DCN: variants seen among roughly 807,000 people sequenced by gnomAD.
The protein encoded by DCN is bone proteoglycan II.
DCN carries 17 observed loss-of-function variants against 36.5 expected under a neutral mutation model. That is an observed-to-expected ratio of 0.47 (90% CI 0.32 to 0.70). The LOEUF (loss-of-function observed/expected upper bound fraction) is 0.70. Among genes scored for constraint, DCN ranks in the 30% least tolerant of loss-of-function variants. The pLI is 0.04. For missense variants in DCN, 389 were observed against 430.1 expected, an observed-to-expected ratio of 0.90 and a Z score of 0.84; for synonymous variants, 163 against 161.4, an observed-to-expected ratio of 1.01 and a Z score of -0.07.
intron 7 of DCN, among the ~76,000 whole-genome samples, chr12:91,147,254 T>C (rs570455994): frequency 1.3e-5 from 2 of 152,348 alleles, no homozygotes; most frequent in Admixed American, 6.5e-5. Context: ...TCTTAAGTTA[T>C]CAACACCGTT....
rs553021602 is a variant in DCN at position 91,149,988 on chromosome 12, T to A, written c.885+1666A>T. ...TTATTAAGATAGTAATTCTTCCCAA[T>A]GATCTGTAGATTCAAAACAATACCT... On this transcript the variant is annotated intron_variant, in intron 7 of 7. Transcript: ENST00000052754. Among the ~76,000 whole-genome samples the A allele has an allele frequency of 2.2e-4, 34 of 152,300 alleles. No individual in the cohort carries two copies. In the South Asian group the frequency reaches 6.6e-3, roughly 30 times the overall value.
chr12:91,148,606 C>G (rs1305500446), intron 7 of DCN, among the ~76,000 whole-genome samples: 1 of 150,732 alleles, frequency 6.6e-6, no homozygotes, highest in Non-Finnish European at 1.5e-5. Flanking sequence ...ATCCCAGCTA[C>G]TCGGGAGGCT....
At chr12:91,178,179 C>T (rs964868728) in intron 2 of DCN, among the ~76,000 whole-genome samples, 163 bp downstream of exon 2, 2 of 151,944 alleles carry the variant, frequency 1.3e-5, no homozygotes, top group Non-Finnish European at 2.9e-5. Context: ...AGAACAACAA[C>T]GCTACTTTTC....
In DCN at chr12:91,151,713, A is replaced by G. The variant is rs1378981803; in HGVS notation, c.826T>C (p.Leu276=). 2.5e-6 allele frequency: 4 copies of G among 1,613,926 alleles called. No individual in the cohort carries two copies. The highest frequency in any genetic ancestry group is 3.3e-5 in the Admixed American group (2 of 59,988). Residue 276 remains leucine, a synonymous_variant, in exon 7 of 8, where the codon TTG becomes CTG. Coordinates refer to ENST00000052754, the MANE Select transcript of DCN (RefSeq NM_001920.5). ...ACTCTGGTAAGCTTGTTGTTGTCCA[A>G]GTGAAGCTCCCTCAGATGAGGCGTG... The part of the protein sequence containing the change: ...ANTPHLRELH[L]DNNKLTRVPG...
intron 6 of DCN, 88 bp from the exon 7 acceptor site, chr12:91,151,880 G>A (rs1401411475): frequency 1.3e-6 from 2 of 1,538,774 alleles, no homozygotes; most frequent in Non-Finnish European, 1.8e-6. Flanking sequence ...CTATAGGAAA[G>A]GACATTTTTT....
intron 2 of DCN, among the ~76,000 whole-genome samples, chr12:91,166,620 AT>A (rs1314175880): frequency 6.6e-6 from 1 of 152,148 alleles, no homozygotes; most frequent in Non-Finnish European, 1.5e-5. Flanking sequence ...GACTCTCAAC[AT>A]TTTGTCAATG....
At chr12:91,170,197 T>G (rs1209468418) in intron 2 of DCN, among the ~76,000 whole-genome samples, 1 of 152,208 alleles carries the variant, frequency 6.6e-6, no homozygotes. Flanking sequence ...CCTACCATAG[T>G]GCATAGCAGC....
chr12:91,146,176 T>C lies in DCN; in HGVS notation c.962A>G (p.Lys321Arg), dbSNP rs773223592. 2 of 1,613,082 alleles carry C rather than the reference T, an allele frequency of 1.2e-6. No homozygotes were observed. Among genetic ancestry groups the C allele is most frequent in the Non-Finnish European group, 1.7e-6 (2 of 1,179,252 alleles). The change falls in exon 8 of 8, where the codon AAG becomes AGG. Residue 321 changes from lysine to arginine, a missense_variant. Physicochemically the swap from Lys to Arg is conservative, Grantham distance 26 (BLOSUM62 2). Transcript: ENST00000052754. Reference sequence around the variant, plus strand: ...AAGACTCACACCCGAATAAGAAGCCTTTTTGGTGTTGTGTCCAGGTGGGCA... The same window carrying C: ...AAGACTCACACCCGAATAAGAAGCCCTTTTGGTGTTGTGTCCAGGTGGGCA... ...DFCPPGHNTK[K>R]ASYSGVSLFS... is the part of the protein sequence containing the mutation.
intron 2 of DCN, among the ~76,000 whole-genome samples, 189 bp downstream of exon 2, chr12:91,178,149 GGAGA>G (rs147689159): frequency 6.6e-6 from 1 of 151,330 alleles, no homozygotes; most frequent in Admixed American, 6.6e-5. Context: ...GGACAGAGAG[GGAGA>G]GAGAGAGAGA....
chr12:91,145,539 AT>A lies in DCN; in HGVS notation c.*518del, dbSNP rs1295415224. 4 of 167,416 alleles carry A rather than the reference AT, an allele frequency of 2.4e-5. No individual in the cohort carries two copies. Among genetic ancestry groups the A allele is most frequent in the African/African-American group, 9.6e-5 (4 of 41,570 alleles). 10.4% of individuals were successfully genotyped at this position (167,416 alleles called of 1,614,324 possible). A position where few individuals can be genotyped will look rare whatever the true frequency, so the allele number is the denominator to read the frequency against. On this transcript the variant is annotated 3_prime_UTR_variant, in exon 8 of 8. Transcript: ENST00000052754. ...TGTATACAATAGTAATTTTGAATGT[AT>A]TTTTAAATTTATTTTTTCAAAATAA...
At chr12:91,152,857 A>C (rs1881521619) in intron 6 of DCN, among the ~76,000 whole-genome samples, 1 of 152,118 alleles carries the variant, frequency 6.6e-6, no homozygotes, top group African/African-American at 2.4e-5. Context: ...ACTAATCTAT[A>C]AACAGTATAG....
intron 2 of DCN, chr12:91,175,977 A>T (rs1447490449): frequency 1.3e-5 from 2 of 152,112 alleles, no homozygotes; most frequent in African/African-American, 2.4e-5. Flanking sequence ...CACGATTAAT[A>T]GGATTTCTAA....
intron 3 of DCN, among the ~76,000 whole-genome samples, chr12:91,159,609 G>A (rs373363003): frequency 2.0e-5 from 3 of 151,124 alleles, no homozygotes; most frequent in African/African-American, 7.3e-5. Flanking sequence ...TTTTTTATGT[G>A]TAAAGGTTTT....
chr12:91,169,341 A>T lies in DCN; in HGVS notation c.212-4624T>A, dbSNP rs3138200. 6.1e-3 allele frequency among the ~76,000 whole-genome samples: 828 copies of T among 135,590 alleles called. 9 individuals carry two copies. Among genetic ancestry groups the T allele is most frequent in the African/African-American group, 0.022 (805 of 36,012 alleles). 89.0% of individuals were successfully genotyped at this position (135,590 alleles called of 152,430 possible). ...GGCTACAGTGAGCTGTGATCATGCC[A>T]CTGCACTCCAGCCTAGGCAACAGGG... is the stretch of plus-strand genomic sequence containing the variant. On this transcript the variant is annotated intron_variant, in intron 2 of 7. Transcript: ENST00000052754.
At chr12:91,176,910 A>C (rs895550655) in intron 2 of DCN, 1 of 152,226 alleles carries the variant, frequency 6.6e-6, no homozygotes, top group African/African-American at 2.4e-5. Flanking sequence ...TTTCCTGCCC[A>C]AGGCAATAAT....
chr12:91,159,810 A>G (rs1882044262), intron 3 of DCN, among the ~76,000 whole-genome samples: 1 of 152,058 alleles, frequency 6.6e-6, no homozygotes, highest in Non-Finnish European at 1.5e-5. Flanking sequence ...ATTTCAAGCC[A>G]CTTTATTAAC....
rs1013210676 is a variant in DCN, at chr12:91,141,645, T to C, written c.*4413A>G. 3 of 152,146 alleles carry C rather than the reference T, an allele frequency of 2.0e-5. No individual in the cohort carries two copies. The highest frequency in any genetic ancestry group is 2.9e-5 in the Non-Finnish European group (2 of 68,026). 9.4% of individuals were successfully genotyped at this position (152,146 alleles called of 1,614,324 possible). Reference sequence around the variant, plus strand: ...TATTGGCTGAAAAAATGAAGTAATATGTGCTAGTAGATATATCTGATCAAG... The same window carrying C: ...TATTGGCTGAAAAAATGAAGTAATACGTGCTAGTAGATATATCTGATCAAG... On this transcript the variant is annotated 3_prime_UTR_variant, in exon 8 of 8. Transcript: ENST00000052754.
intron 2 of DCN, 35 bp from the exon 3 acceptor site, chr12:91,164,752 G>A (rs1882435390): frequency 1.9e-6 from 2 of 1,033,178 alleles, no homozygotes; most frequent in Non-Finnish European, 3.1e-6. Flanking sequence ...GCTGTGAGTA[G>A]AAAGGACATG....
At chr12:91,170,062 TAA>T (rs397850822) in intron 2 of DCN, among the ~76,000 whole-genome samples, 35 of 124,780 alleles carry the variant, frequency 2.8e-4, no homozygotes, top group African/African-American at 4.6e-4. Context: ...AGACTCTGTC[TAA>T]AAAAAAAAAA....
Sources: allele counts gnomAD v4.1 joint callset (sites outside exome capture counted in the v4.1 genomes callset), GRCh38; gene constraint gnomAD v4.1.1; transcripts MANE v1.5; gene names NCBI Gene and HGNC (gene_info 2026-07-23, HGNC 2026-07-21).